Variants in LRP1B observed in about 807,000 individuals in gnomAD.
LRP1B encodes LDL receptor related protein 1B, also known as low-density lipoprotein receptor-related protein 1B.
In LRP1B, 217 loss-of-function variants were observed where a neutral mutation model predicts 556.6. The observed-to-expected ratio is 0.39, with a 90% CI of 0.35 to 0.44. The LOEUF (loss-of-function observed/expected upper bound fraction) is 0.44, where lower values mean the gene tolerates loss of function less well. Among genes scored for constraint, LRP1B ranks in the 20% least tolerant of loss-of-function variants. LRP1B has a pLI of 1.00. For missense variants in LRP1B, 5,053 were observed against 5,620.8 expected (o/e 0.90, Z 3.23); for synonymous variants, 2,047 against 1,865.8 (o/e 1.10, Z -2.50).
intron 2 of LRP1B, among the ~76,000 whole-genome samples, chr2:141,643,433 T>C (rs1206377945): frequency 6.6e-6 from 1 of 152,164 alleles, no homozygotes; most frequent in Non-Finnish European, 1.5e-5. Flanking sequence ...AGCCTACATA[T>C]ATATTTAAAG....
At chr2:141,582,827 C>CTT (rs869158175) in intron 2 of LRP1B, among the ~76,000 whole-genome samples, 843 of 71,784 alleles carry the variant, frequency 0.012, 113 homozygotes, top group Non-Finnish European at 0.014. Context: ...ACCTATTAAA[C>CTT]TTTTTTTTTT....
chr2:141,171,268 G>A (rs1308707219), intron 7 of LRP1B, among the ~76,000 whole-genome samples: 1 of 152,030 alleles, frequency 6.6e-6, no homozygotes, highest in Admixed American at 6.6e-5. Flanking sequence ...CATAGGACAT[G>A]TACACATCAT....
At chr2:140,751,181 C>T (rs144606797) in intron 35 of LRP1B, among the ~76,000 whole-genome samples, 6,673 of 151,874 alleles carry the variant, frequency 0.044, 206 homozygotes, top group South Asian at 0.095. Flanking sequence ...TTAGTAGAGA[C>T]GGGGTTTCAC....
chr2:141,795,897 T>TATATATATAC (rs1553465414), intron 2 of LRP1B, among the ~76,000 whole-genome samples: 1 of 78,056 alleles, frequency 1.3e-5, no homozygotes, highest in Non-Finnish European at 2.7e-5. Flanking sequence ...TATATATATA[T>TATATATATAC]ATAATCTTTA....
intron 2 of LRP1B, among the ~76,000 whole-genome samples, chr2:141,602,121 G>A (rs1331936448): frequency 2.0e-5 from 3 of 151,942 alleles, no homozygotes; most frequent in Admixed American, 6.6e-5. Context: ...GCCTGTATCC[G>A]TGGAAGTTGA....
intron 62 of LRP1B, among the ~76,000 whole-genome samples, chr2:140,454,712 T>G (rs535154664): frequency 6.6e-6 from 1 of 152,322 alleles, no homozygotes; most frequent in East Asian, 1.9e-4. Flanking sequence ...GGTTTTCATT[T>G]ATTTGACTAA....
At chr2:141,163,863 T>C (rs2105119710) in intron 7 of LRP1B, among the ~76,000 whole-genome samples, 1 of 152,140 alleles carries the variant, frequency 6.6e-6, no homozygotes, top group South Asian at 2.1e-4. Context: ...CAGGTATCAA[T>C]CCAAAATTTA....
Position 140,466,399 on chromosome 2 carries a change from C to T in LRP1B, c.9625+8739G>A, listed in dbSNP as rs533014544. 3.6e-4 allele frequency among the ~76,000 whole-genome samples: 55 copies of T among 152,192 alleles called. No individual in the cohort carries two copies. In the South Asian group the frequency reaches 9.1e-3, roughly 25 times the overall value. On this transcript the variant is annotated intron_variant, in intron 60 of 90. Transcript: ENST00000389484. ...TTAAATCCAAACACAGAACTGCCCC[C>T]TCACAACACAAACTGGATTCCAGAG... is the stretch of plus-strand genomic sequence containing the variant.
Position 141,942,497 on chromosome 2 carries a change from AAC to A in LRP1B, c.83-132098_83-132097del, listed in dbSNP as rs372096050. 4.4e-3 allele frequency among the ~76,000 whole-genome samples: 667 copies of A among 152,246 alleles called. 6 individuals are homozygous for A. The highest frequency in any genetic ancestry group is 0.015 in the African/African-American group (626 of 41,528). On this transcript the variant is annotated intron_variant, in intron 1 of 90. Transcript: ENST00000389484. ...AGAACACAATTTGTAAAAAACAAAA[AAC>A]AAAACAAAAAAAAAAACAAAAAACA...
intron 81 of LRP1B, 86 bp downstream of exon 81, chr2:140,323,799 TTTACATAG>T (rs1416750490): frequency 4.8e-6 from 3 of 625,624 alleles, no homozygotes; most frequent in African/African-American, 3.8e-5. Flanking sequence ...GGTTAAGACA[TTTACATAG>T]TTAAGATATT....
At chr2:141,242,643 G>T (rs984355613) in intron 5 of LRP1B, among the ~76,000 whole-genome samples, 3 of 151,894 alleles carry the variant, frequency 2.0e-5, no homozygotes, top group Non-Finnish European at 4.4e-5. Context: ...CAATTACTCC[G>T]CGGCAAAGAG....
chr2:140,838,297 C>T (rs920330817), intron 31 of LRP1B, among the ~76,000 whole-genome samples: 1 of 152,096 alleles, frequency 6.6e-6, no homozygotes, highest in Admixed American at 6.6e-5. Context: ...AAATTAAGTC[C>T]TTTGTATGGG....
intron 2 of LRP1B, among the ~76,000 whole-genome samples, chr2:141,576,719 A>C (rs1686761635): frequency 6.7e-6 from 1 of 149,480 alleles, no homozygotes; most frequent in Admixed American, 6.7e-5. Flanking sequence ...CTGCTACTGC[A>C]TGCCAGCCTA....
At chr2:141,115,659 T>TGTGTG (rs58590862) in intron 7 of LRP1B, among the ~76,000 whole-genome samples, 66 of 95,904 alleles carry the variant, frequency 6.9e-4, no homozygotes, top group Middle Eastern at 6.5e-3. Context: ...GTGTGTGTGT[T>TGTGTG]TTTTAGTAGA....
intron 23 of LRP1B, among the ~76,000 whole-genome samples, chr2:140,899,279 C>G (rs1032206155): frequency 6.6e-6 from 1 of 152,092 alleles, no homozygotes; most frequent in African/African-American, 2.4e-5. Context: ...CTTTTCAGGG[C>G]TCTTCTCAAC....
chr2:140,461,350 T>C (rs1687310516), intron 60 of LRP1B, among the ~76,000 whole-genome samples: 1 of 152,150 alleles, frequency 6.6e-6, no homozygotes, highest in South Asian at 2.1e-4. Context: ...GTTAATGTTA[T>C]GGGAGGATAC....
chr2:141,699,366 A>T (rs1357706496), intron 2 of LRP1B, among the ~76,000 whole-genome samples: 2 of 151,936 alleles, frequency 1.3e-5, no homozygotes, highest in East Asian at 3.9e-4. Flanking sequence ...CCTTTGTTAG[A>T]TGCTATAGAT....
intron 43 of LRP1B, among the ~76,000 whole-genome samples, chr2:140,596,218 C>T (rs1054990004): frequency 1.2e-4 from 18 of 152,094 alleles, no homozygotes; most frequent in African/African-American, 4.1e-4. Context: ...CAATAGTGAT[C>T]TTTCTCTTTT....
intron 1 of LRP1B, among the ~76,000 whole-genome samples, chr2:141,825,523 C>CT (rs1696893801): frequency 6.6e-6 from 1 of 152,132 alleles, no homozygotes; most frequent in Admixed American, 6.5e-5. Context: ...AGGCTGGTTA[C>CT]TTTTTTTGTA....
Sources: allele counts gnomAD v4.1 joint callset (sites outside exome capture counted in the v4.1 genomes callset), GRCh38; gene constraint gnomAD v4.1.1; transcripts MANE v1.5; gene names NCBI Gene and HGNC (gene_info 2026-07-23, HGNC 2026-07-21).